Variants in PP2D1 observed in about 807,000 individuals in gnomAD.
PP2D1 encodes protein phosphatase 2C-like domain-containing protein 1.
Under a neutral mutation model 30.2 loss-of-function variants are expected in PP2D1, and 25 were observed. The ratio of observed to expected loss-of-function variants is 0.83; its 90% CI spans 0.60 to 1.16. PP2D1 has a LOEUF of 1.16. Among genes scored for constraint, PP2D1 ranks in the 50% most tolerant of loss-of-function variants. The probability of loss-of-function intolerance (pLI) is 0.00; values close to 1 mark genes in which losing one functional copy is unlikely to be tolerated. For missense variants in PP2D1, 760 were observed against 742.4 expected (o/e 1.02, Z -0.28); for synonymous variants, 260 against 258.9 (o/e 1.00, Z -0.04).
At chr3:19,983,345 CAA>C (rs34872300), downstream of PP2D1, among the ~76,000 whole-genome samples, 5 of 92,108 alleles carry the variant, frequency 5.4e-5, no homozygotes, top group Non-Finnish European at 6.3e-5. Context: ...GACTACATCT[CAA>C]AAAAAAAAAA....
At position 19,990,752 on chromosome 3, in the gene PP2D1, GA is replaced by G. The variant is rs1276849001; in HGVS notation, c.1091-4571del. Among the ~76,000 whole-genome samples the G allele has an allele frequency of 1.4e-4, 19 of 134,020 alleles. No homozygotes were observed. The South Asian group carries it at 1.6e-3, about 11-fold the overall frequency. 87.9% of individuals were successfully genotyped at this position (134,020 alleles called of 152,430 possible). On this transcript the variant is annotated intron_variant, in intron 2 of 2. Coordinates refer to ENST00000389050, the MANE Select transcript of PP2D1 (RefSeq NM_001252657.2). ...CCATGAAGATGGGAAATTAGAGGAA[GA>G]TTTTTTTTTTTTTTTTTGCGGAGTC... is the stretch of plus-strand genomic sequence containing the variant.
At chr3:19,990,505 G>T (rs1331857455) in intron 2 of PP2D1, among the ~76,000 whole-genome samples, 13 of 148,994 alleles carry the variant, frequency 8.7e-5, no homozygotes, top group Non-Finnish European at 1.8e-4. Context: ...TGAAGGAGAA[G>T]TAGCCAGCGT....
At chr3:19,985,239 T>C, downstream of PP2D1, 3 of 647,684 alleles carry the variant, frequency 4.6e-6, no homozygotes, top group Non-Finnish European at 7.8e-6. Context: ...AATGATACTA[T>C]ATGACCTAGT....
chr3:20,002,052 A>G lies in PP2D1; in HGVS notation c.68T>C (p.Phe23Ser), dbSNP rs1425288093. 1.3e-6 allele frequency: 2 copies of G among 1,534,280 alleles called. No individual in the cohort carries two copies. The highest frequency in any genetic ancestry group is 2.7e-5 in the African/African-American group (2 of 72,890). ...AAGTAGAATATCCTCATCTGAATCA[A>G]ATGTTGATGTTTTCATATTCCATTC... Reference protein sequence around the residue: ...SREWNMKTSTFDSDEDILLLP... With the variant: ...SREWNMKTSTSDSDEDILLLP... Residue 23 changes from phenylalanine to serine, a missense_variant, in exon 2 of 3, where the codon TTT becomes TCT. Physicochemically the swap from Phe to Ser is radical, Grantham distance 155. This residue lies in a region of PP2D1 where 374 missense variants were observed against 388.8 expected (regional missense o/e 0.96). Coordinates refer to ENST00000389050, the MANE Select transcript of PP2D1 (RefSeq NM_001252657.2).
intron 1 of PP2D1, among the ~76,000 whole-genome samples, chr3:20,004,217 T>C (rs1419792210): frequency 1.3e-5 from 2 of 152,318 alleles, no homozygotes; most frequent in African/African-American, 4.8e-5. Context: ...TTACCATGTG[T>C]TACAATTGCC....
At chr3:20,006,679 C>T (rs1697321340) in intron 1 of PP2D1, among the ~76,000 whole-genome samples, 1 of 152,062 alleles carries the variant, frequency 6.6e-6, no homozygotes, top group South Asian at 2.1e-4. Context: ...CCAAGCTGGT[C>T]TTGAACTCCT....
intron 1 of PP2D1, among the ~76,000 whole-genome samples, chr3:20,005,069 C>A (rs1697301439): frequency 6.6e-6 from 1 of 152,076 alleles, no homozygotes; most frequent in Non-Finnish European, 1.5e-5. Context: ...CATGATTGCA[C>A]CACGACACTC....
At chr3:19,986,495 T>C (rs544494625) in intron 2 of PP2D1, among the ~76,000 whole-genome samples, 2 of 152,368 alleles carry the variant, frequency 1.3e-5, no homozygotes, top group South Asian at 4.1e-4. Flanking sequence ...ATTACTCACA[T>C]TGCAGAGTCA....
intron 1 of PP2D1, among the ~76,000 whole-genome samples, chr3:20,004,259 G>T (rs1313575927): frequency 6.6e-6 from 1 of 152,160 alleles, no homozygotes; most frequent in Admixed American, 6.6e-5. Context: ...GCACTGTACA[G>T]GTTTGTAGCC....
At chr3:19,985,320 C>G (rs1285264139), downstream of PP2D1, 4 of 1,159,476 alleles carry the variant, frequency 3.4e-6, no homozygotes, top group Non-Finnish European at 4.8e-6. Flanking sequence ...ATCCTAATAG[C>G]TGGATCATTG....
chr3:20,010,781 A>G (rs1697375605), intron 1 of PP2D1, among the ~76,000 whole-genome samples: 2 of 152,106 alleles, frequency 1.3e-5, no homozygotes, highest in African/African-American at 4.8e-5. Flanking sequence ...CAGCCTGGGC[A>G]ACAAGAGCGA....
At chr3:19,991,847 C>T (rs1011204387) in intron 2 of PP2D1, among the ~76,000 whole-genome samples, 8 of 151,830 alleles carry the variant, frequency 5.3e-5, no homozygotes, top group African/African-American at 1.5e-4. Context: ...CATTTCAGAC[C>T]CATTTATAAA....
In PP2D1 at chr3:20,001,974, G is replaced by A. The variant is rs1345058709; in HGVS notation, c.146C>T (p.Thr49Ile). ...RKKKSRPVRH[T>I]KRHEEEQVYE... The stretch of plus-strand genomic sequence containing the variant: ...GACCTGCTCCTCTTCATGGCGTTTG[G>A]TGTGTCTCACTGGTCTTGACTTTTT... The change falls in exon 2 of 3, where the codon ACC becomes ATC. Residue 49 changes from threonine (T) to isoleucine (I), a missense_variant. Coordinates refer to ENST00000389050, the MANE Select transcript of PP2D1 (RefSeq NM_001252657.2). The A allele has an allele frequency of 2.6e-6, 4 of 1,536,072 alleles. No homozygotes were observed. The highest frequency in any genetic ancestry group is 2.4e-5 in the East Asian group (1 of 40,934).
chr3:20,007,004 CGT>C (rs545367274), intron 1 of PP2D1, among the ~76,000 whole-genome samples: 9 of 94,822 alleles, frequency 9.5e-5, no homozygotes, highest in Admixed American at 9.1e-4. Flanking sequence ...CACACACACA[CGT>C]ATACACACAC....
chr3:19,997,070 C>T (rs1697189919), intron 2 of PP2D1: 1 of 151,906 alleles, frequency 6.6e-6, no homozygotes, highest in Admixed American at 6.6e-5. Flanking sequence ...CATATCTCAA[C>T]AGAAGAAAGG....
intron 2 of PP2D1, among the ~76,000 whole-genome samples, chr3:19,990,744 T>C (rs1159683681): frequency 6.8e-6 from 1 of 147,182 alleles, no homozygotes; most frequent in African/African-American, 2.6e-5. Flanking sequence ...GATGGGAAAT[T>C]AGAGGAAGAT....
chr3:19,988,039 C>A (rs1396001630), intron 2 of PP2D1, among the ~76,000 whole-genome samples: 3 of 152,060 alleles, frequency 2.0e-5, no homozygotes, highest in Non-Finnish European at 2.9e-5. Context: ...GGTTGTATGT[C>A]GCTTCAGGAC....
chr3:19,983,958 T>C (rs1468555586), downstream of PP2D1: 1 of 640,136 alleles, frequency 1.6e-6, no homozygotes, highest in East Asian at 2.8e-5. Flanking sequence ...TAATACAGAA[T>C]TATTTTAAGT....
In PP2D1 at chr3:20,002,045, T is replaced by G. The variant is rs1190102650; in HGVS notation, c.75A>C (p.Ser25=). The part of the protein sequence containing the change: ...EWNMKTSTFD[S]DEDILLLPKR... Reference sequence around the variant, plus strand: ...TGGGTAAAAGTAGAATATCCTCATCTGAATCAAATGTTGATGTTTTCATAT... The same window carrying G: ...TGGGTAAAAGTAGAATATCCTCATCGGAATCAAATGTTGATGTTTTCATAT... Residue 25 remains serine, a synonymous_variant, in exon 2 of 3, where the codon TCA becomes TCC. Coordinates refer to ENST00000389050, the MANE Select transcript of PP2D1 (RefSeq NM_001252657.2). 1.3e-6 allele frequency: 2 copies of G among 1,534,350 alleles called. No individual in the cohort carries two copies. The highest frequency in any genetic ancestry group is 1.7e-6 in the Non-Finnish European group (2 of 1,145,398).
Sources: gnomAD v4.1 joint callset for allele counts (sites outside exome capture counted in the v4.1 genomes callset) on GRCh38, gnomAD v4.1.1 for gene constraint, gnomAD v4.1.1 regional missense constraint, MANE v1.5 for transcripts, NCBI Gene and HGNC (gene_info 2026-07-23, HGNC 2026-07-21) for gene names.